Variants in ABR observed in about 807,000 individuals in gnomAD.
The protein encoded by ABR is ABR activator of RhoGEF and GTPase.
Under a neutral mutation model 107.2 loss-of-function variants are expected in ABR, and 35 were observed. The observed-to-expected ratio is 0.33, with a 90% CI of 0.25 to 0.43. The LOEUF is 0.43. Among genes scored for constraint, ABR ranks in the 20% least tolerant of loss-of-function variants. The probability of loss-of-function intolerance (pLI) is 1.00; values close to 1 mark genes in which losing one functional copy is unlikely to be tolerated. For synonymous variants in ABR, 498 were observed against 462.0 expected (o/e 1.08, Z -1.00); for missense variants, 815 against 1,115.2 (o/e 0.73, Z 3.83).
chr17:1,160,083 A>G (rs982336639), intron 1 of ABR, among the ~76,000 whole-genome samples: 1 of 152,096 alleles, frequency 6.6e-6, no homozygotes, highest in Non-Finnish European at 1.5e-5. Context: ...GGTAGGGCGC[A>G]GGAGGAAACA....
chr17:1,112,224 G>A (rs1173642544), intron 2 of ABR, among the ~76,000 whole-genome samples: 1 of 152,228 alleles, frequency 6.6e-6, no homozygotes, highest in Non-Finnish European at 1.5e-5. Flanking sequence ...GGGAGACGGG[G>A]CCCTTGCCGT....
At chr17:1,132,382 T>C (rs1876474390) in intron 1 of ABR, among the ~76,000 whole-genome samples, 1 of 141,290 alleles carries the variant, frequency 7.1e-6, no homozygotes, top group East Asian at 2.0e-4. Context: ...AAGCACTTTT[T>C]TTTTTTTTTT....
chr17:1,083,651 G>A, intron 4 of ABR, 24 bp from the exon 5 acceptor site: 1 of 1,535,884 alleles, frequency 6.5e-7, no homozygotes, highest in Non-Finnish European at 9.0e-7. Context: ...TCAGGGAACA[G>A]AGGGAGAGGA....
Position 1,130,094 on chromosome 17 carries a change from A to G in ABR, c.62-4727T>C, listed in dbSNP as rs150793996. Among the ~76,000 whole-genome samples the G allele has an allele frequency of 3.2e-3, 483 of 152,278 alleles. 1 individual carries two copies. Among genetic ancestry groups the G allele is most frequent in the African/African-American group, 0.011 (462 of 41,530 alleles). On this transcript the variant is annotated intron_variant, in intron 1 of 22. Coordinates refer to ENST00000302538, the MANE Select transcript of ABR (RefSeq NM_021962.5). ...AGCAGGTGAATGGGTGTTCACTGTG[A>G]ATTCTTTCAACTTTTCTGTGTGCTT...
At chr17:1,186,625 T>C (rs1055924146) in intron 1 of ABR, among the ~76,000 whole-genome samples, 3 of 152,184 alleles carry the variant, frequency 2.0e-5, no homozygotes, top group Non-Finnish European at 4.4e-5. Context: ...CTGGCTTAGA[T>C]TATGCACTCC....
Position 1,154,418 on chromosome 17 carries a change from AT to A in ABR, c.61+25248del, listed in dbSNP as rs1268207367. On this transcript the variant is annotated intron_variant, in intron 1 of 22. Transcript: ENST00000302538. This position sits in a 1 kb window ranked among gnomAD's most constrained non-coding sequence, Gnocchi z 4.0. ...CCGTGGTGCTGCCTGCCCTGGTTGC[AT>A]TAAAGTGCTCATAAAGCCCAGAATC... 1.3e-5 allele frequency: 2 copies of A among 152,316 alleles called. No homozygotes were observed. The highest frequency in any genetic ancestry group is 2.9e-5 in the Non-Finnish European group (2 of 68,164). 9.4% of individuals were successfully genotyped at this position (152,316 alleles called of 1,614,324 possible).
At position 1,011,988 on chromosome 17, in the gene ABR, G is replaced by GGGGTGGAGCGTGAGGAT. The variant is rs755216693; in HGVS notation, c.1962-20_1962-4dup. On this transcript the variant is annotated splice_region_variant and splice_polypyrimidine_tract_variant and intron_variant, in intron 18 of 22. Transcript: ENST00000302538. This position sits in a 1 kb window ranked among gnomAD's most constrained non-coding sequence, Gnocchi z 4.8. ...AGGGCACCTTGGAGCGCTCCCGCCT[G>GGGGTGGAGCGTGAGGAT]GGGTGGAGCGTGAGGATGGGTGGAG... 1 of 1,612,134 alleles carries GGGGTGGAGCGTGAGGAT rather than the reference G, an allele frequency of 6.2e-7. No individual in the cohort carries two copies. Among genetic ancestry groups the GGGGTGGAGCGTGAGGAT allele is most frequent in the Non-Finnish European group, 8.5e-7 (1 of 1,178,712 alleles).
intron 10 of ABR, among the ~76,000 whole-genome samples, chr17:1,062,109 A>C (rs1042434281): frequency 2.6e-4 from 39 of 152,194 alleles, no homozygotes; most frequent in Admixed American, 2.0e-4. Flanking sequence ...AGGTGAGGAA[A>C]ACAGACCAAG....
chr17:1,122,945 C>T (rs909305300), intron 2 of ABR, among the ~76,000 whole-genome samples: 1 of 148,870 alleles, frequency 6.7e-6, no homozygotes, highest in African/African-American at 2.4e-5. Context: ...TCCAGAAGTC[C>T]CCCCTGTTCC....
At chr17:1,129,570 A>G (rs1267711850) in intron 1 of ABR, among the ~76,000 whole-genome samples, 3 of 152,144 alleles carry the variant, frequency 2.0e-5, no homozygotes, top group Admixed American at 2.0e-4. Flanking sequence ...AAAAAGATTC[A>G]TGCACTTCAG....
intron 16 of ABR, among the ~76,000 whole-genome samples, chr17:1,033,762 G>A (rs937147914): frequency 6.6e-6 from 1 of 152,172 alleles, no homozygotes; most frequent in Non-Finnish European, 1.5e-5. Flanking sequence ...AGCACCGCCT[G>A]AGGGGGAGGT....
chr17:1,226,118 A>G (rs9330555), intron 1 of ABR, among the ~76,000 whole-genome samples: 22,527 of 152,126 alleles, frequency 0.15, 2,688 homozygotes, highest in African/African-American at 0.32. Flanking sequence ...GACAGTGAAT[A>G]AGACCCACAT....
intron 16 of ABR, among the ~76,000 whole-genome samples, chr17:1,043,340 T>C (rs1392518382): frequency 2.0e-5 from 3 of 152,080 alleles, no homozygotes; most frequent in Non-Finnish European, 4.4e-5. Flanking sequence ...GCTAATTTTT[T>C]TTAATCTTTG....
At chr17:1,189,633 T>C (rs2042390159), upstream of ABR, among the ~76,000 whole-genome samples, 1 of 152,152 alleles carries the variant, frequency 6.6e-6, no homozygotes, top group South Asian at 2.1e-4. Context: ...TTGACATCGC[T>C]GGCAAAAACG....
chr17:1,184,400 A>G (rs1383433711), upstream of ABR, among the ~76,000 whole-genome samples: 1 of 151,994 alleles, frequency 6.6e-6, no homozygotes, highest in African/African-American at 2.4e-5. Flanking sequence ...GCTTGCAGTG[A>G]GCTGAGATCA....
chr17:1,066,998 C>A (rs1307112231), intron 10 of ABR, 79 bp downstream of exon 10: 1 of 1,506,482 alleles, frequency 6.6e-7, no homozygotes, highest in Non-Finnish European at 9.1e-7. Flanking sequence ...AAGTCTCAAA[C>A]CTTACAACTT....
intron 2 of ABR, among the ~76,000 whole-genome samples, chr17:1,105,947 G>A (rs1220329762): frequency 6.6e-6 from 1 of 152,088 alleles, no homozygotes; most frequent in Non-Finnish European, 1.5e-5. Context: ...TGACAAATAA[G>A]TTCCTTAAAA....
At chr17:1,180,664 C>A (rs1222125547), upstream of ABR, among the ~76,000 whole-genome samples, 1 of 152,212 alleles carries the variant, frequency 6.6e-6, no homozygotes, top group African/African-American at 2.4e-5. Flanking sequence ...CCCCGAGCCG[C>A]GGCCTGGAAA....
intron 16 of ABR, among the ~76,000 whole-genome samples, chr17:1,035,833 G>A (rs917143353): frequency 1.9e-4 from 28 of 150,362 alleles, no homozygotes; most frequent in Admixed American, 9.9e-4. Context: ...CCGGGGAGAC[G>A]TGGGTGGGAC....
Sources: gnomAD v4.1 joint callset for allele counts (sites outside exome capture counted in the v4.1 genomes callset) on GRCh38, gnomAD v4.1.1 for gene constraint, Gnocchi (gnomAD v3.1) non-coding constraint, MANE v1.5 for transcripts, NCBI Gene and HGNC (gene_info 2026-07-23, HGNC 2026-07-21) for gene names.